LINGO2: variants seen among roughly 807,000 people sequenced by gnomAD.
The protein encoded by LINGO2 is leucine rich repeat and Ig domain containing 2, also known as leucine-rich repeat and immunoglobulin-like domain-containing nogo receptor-interacting protein 2.
In LINGO2, 14 loss-of-function variants were observed where a neutral mutation model predicts 30.6. The observed-to-expected ratio is 0.46, with a 90% CI of 0.30 to 0.72. The LOEUF (loss-of-function observed/expected upper bound fraction) is 0.72. Among genes scored for constraint, LINGO2 ranks in the 30% least tolerant of loss-of-function variants. LINGO2 has a pLI of 0.07. For synonymous variants in LINGO2, 317 were observed against 288.5 expected (o/e 1.10, Z -1.00); for missense variants, 729 against 751.7 (o/e 0.97, Z 0.35).
At chr9:28,498,166 C>A (rs1023089064) in intron 1 of LINGO2, among the ~76,000 whole-genome samples, 1 of 152,094 alleles carries the variant, frequency 6.6e-6, no homozygotes, top group African/African-American at 2.4e-5. Flanking sequence ...GCTGGGAGAA[C>A]CGCTACTCTC....
chr9:28,735,665 GAAT>G, the LINGO2 span, among the ~76,000 whole-genome samples: 3 of 151,644 alleles, frequency 2.0e-5, no homozygotes, highest in South Asian at 2.1e-4. Flanking sequence ...TCTTTAAAAA[GAAT>G]AATAATTTTT....
intron 2 of LINGO2, among the ~76,000 whole-genome samples, chr9:28,420,855 T>C (rs146280268): frequency 6.6e-6 from 1 of 152,238 alleles, no homozygotes; most frequent in East Asian, 1.9e-4. Flanking sequence ...CATCATTCTT[T>C]TGTGGCCATG....
intron 2 of LINGO2, among the ~76,000 whole-genome samples, chr9:28,411,381 C>A (rs140317901): frequency 1.8e-4 from 27 of 152,160 alleles, no homozygotes; most frequent in Non-Finnish European, 3.4e-4. Flanking sequence ...ACTATCTTAA[C>A]CATTTTTAGG....
intron 3 of LINGO2, among the ~76,000 whole-genome samples, chr9:28,314,293 C>T (rs957914763): frequency 6.6e-6 from 1 of 152,124 alleles, no homozygotes; most frequent in African/African-American, 2.4e-5. Context: ...AAATACTACA[C>T]TTAAATGCAG....
At chr9:28,615,154 G>T (rs1056772878) in intron 1 of LINGO2, among the ~76,000 whole-genome samples, 2 of 152,066 alleles carry the variant, frequency 1.3e-5, no homozygotes, top group Admixed American at 1.3e-4. Flanking sequence ...TCTGCCATAC[G>T]AGAATGTGTA....
intron 1 of LINGO2, among the ~76,000 whole-genome samples, chr9:28,667,099 C>T (rs538479702): frequency 1.3e-5 from 2 of 152,232 alleles, no homozygotes; most frequent in South Asian, 4.1e-4. Flanking sequence ...CACTGGTTGA[C>T]AAATGCATGC....
At chr9:28,959,589 C>CTCTT in the LINGO2 span, among the ~76,000 whole-genome samples, 1,208 of 125,550 alleles carry the variant, frequency 9.6e-3, 92 homozygotes, top group East Asian at 0.18. Context: ...TTTCTTTTAT[C>CTCTT]TCTCTCTCTC....
At chr9:28,348,581 C>T (rs1383395358) in intron 3 of LINGO2, among the ~76,000 whole-genome samples, 2 of 152,188 alleles carry the variant, frequency 1.3e-5, no homozygotes, top group Non-Finnish European at 2.9e-5. Context: ...GAGGGGCGCC[C>T]ACCATTGCCC....
chr9:28,700,166 G>T, the LINGO2 span, among the ~76,000 whole-genome samples: 1 of 151,956 alleles, frequency 6.6e-6, no homozygotes, highest in African/African-American at 2.4e-5. Flanking sequence ...CCCCTGGAAG[G>T]CCCAGCTGTA....
At chr9:27,969,109 T>C (rs1328459672) in intron 5 of LINGO2, among the ~76,000 whole-genome samples, 1 of 143,880 alleles carries the variant, frequency 7.0e-6, no homozygotes, top group Non-Finnish European at 1.5e-5. Flanking sequence ...AAACAGATTT[T>C]CATGATTCAA....
chr9:28,148,748 C>G lies in LINGO2; in HGVS notation c.-86-136343G>C. The G allele has an allele frequency of 6.5e-7, 1 of 1,533,796 alleles. No homozygotes were observed. The highest frequency in any genetic ancestry group is 8.7e-7 in the Non-Finnish European group (1 of 1,146,326). Reference sequence around the variant, plus strand: ...TGGAGGCATCCTTCCCTTTGGGAAGCCTGACCCACTTCCAACAGTGCTCCC... The same window carrying G: ...TGGAGGCATCCTTCCCTTTGGGAAGGCTGACCCACTTCCAACAGTGCTCCC... On this transcript the variant is annotated intron_variant, in intron 4 of 5. Coordinates refer to ENST00000379992, the Ensembl canonical transcript of LINGO2. The surrounding 1 kb of genome is among the most constrained non-coding windows in gnomAD (Gnocchi z 5.1).
the LINGO2 span, among the ~76,000 whole-genome samples, chr9:28,759,478 C>A: frequency 1.3e-5 from 2 of 151,716 alleles, no homozygotes; most frequent in African/African-American, 4.9e-5. Context: ...GTCAGGAGAT[C>A]GAGACCATCC....
chr9:28,628,307 A>G (rs995898325), intron 1 of LINGO2, among the ~76,000 whole-genome samples: 1 of 152,104 alleles, frequency 6.6e-6, no homozygotes. Flanking sequence ...GGTTAAGATT[A>G]TCACCATGTT....
In LINGO2 at chr9:28,215,601, C is replaced by T. The variant is rs150955382; in HGVS notation, c.-87+79607G>A. Among the ~76,000 whole-genome samples, 507 of 151,594 alleles carry T rather than the reference C, an allele frequency of 3.3e-3. 1 individual carries two copies. Among genetic ancestry groups the T allele is most frequent in the Middle Eastern group, 0.02 (6 of 294 alleles). ...TCAATTTAATCAAACAACTGGGAGG[C>T]CACAATAAATTCAGTAAAAAAAAAT... On this transcript the variant is annotated intron_variant, in intron 4 of 5. Coordinates refer to ENST00000379992, the Ensembl canonical transcript of LINGO2.
At chr9:28,575,690 C>G (rs1437072096) in intron 1 of LINGO2, among the ~76,000 whole-genome samples, 1 of 151,898 alleles carries the variant, frequency 6.6e-6, no homozygotes, top group East Asian at 1.9e-4. Context: ...ACACCTGAAA[C>G]TAAAATAAAA....
the LINGO2 span, among the ~76,000 whole-genome samples, chr9:28,925,414 A>G: frequency 6.6e-6 from 1 of 152,172 alleles, no homozygotes; most frequent in East Asian, 1.9e-4. Flanking sequence ...CAGTCAGTCT[A>G]ATATGTCTAT....
At chr9:28,429,973 G>A (rs1823580210) in intron 2 of LINGO2, among the ~76,000 whole-genome samples, 1 of 152,168 alleles carries the variant, frequency 6.6e-6, no homozygotes, top group Non-Finnish European at 1.5e-5. Flanking sequence ...AGATGAATTA[G>A]TTATGTCTTC....
At chr9:28,855,843 T>C in the LINGO2 span, among the ~76,000 whole-genome samples, 1 of 152,094 alleles carries the variant, frequency 6.6e-6, no homozygotes, top group South Asian at 2.1e-4. Flanking sequence ...TCTCAGACTT[T>C]AGGGACAAAT....
At chr9:28,818,860 T>TA in the LINGO2 span, among the ~76,000 whole-genome samples, 51 of 148,866 alleles carry the variant, frequency 3.4e-4, no homozygotes, top group East Asian at 1.2e-3. Context: ...ATTAACAAAC[T>TA]AAAAAAAAAA....
Sources: allele counts gnomAD v4.1 joint callset (sites outside exome capture counted in the v4.1 genomes callset), GRCh38; gene constraint gnomAD v4.1.1; non-coding constraint Gnocchi (gnomAD v3.1); transcripts MANE v1.5; gene names NCBI Gene and HGNC (gene_info 2026-07-23, HGNC 2026-07-21).